The following CPQ variants were observed in gnomAD, a reference collection of about 807,000 sequenced individuals.
The protein encoded by CPQ is carboxypeptidase Q.
Under a neutral mutation model 45.7 loss-of-function variants are expected in CPQ, and 37 were observed. The ratio of observed to expected loss-of-function variants is 0.81; its 90% CI spans 0.62 to 1.07. The LOEUF (loss-of-function observed/expected upper bound fraction) is 1.07, where lower values mean the gene tolerates loss of function less well. Among genes scored for constraint, CPQ ranks in the 50% least tolerant of loss-of-function variants. The probability of loss-of-function intolerance (pLI) is 0.00; values close to 1 mark genes in which losing one functional copy is unlikely to be tolerated. For synonymous variants in CPQ, 186 were observed against 205.8 expected (o/e 0.90, Z 0.82); for missense variants, 537 against 572.9 (o/e 0.94, Z 0.64).
At chr8:97,142,383 A>C (rs963393023) in intron 7 of CPQ, among the ~76,000 whole-genome samples, 2 of 152,214 alleles carry the variant, frequency 1.3e-5, no homozygotes, top group African/African-American at 4.8e-5. Context: ...GCTTTGAAGC[A>C]GGGCAGAGAC....
At chr8:96,813,907 T>C (rs1045424857) in intron 2 of CPQ, among the ~76,000 whole-genome samples, 4 of 152,256 alleles carry the variant, frequency 2.6e-5, no homozygotes, top group African/African-American at 9.6e-5. Context: ...AGCACTATAA[T>C]AGGCCTCATT....
chr8:96,813,211 C>T (rs2130830683), intron 2 of CPQ, among the ~76,000 whole-genome samples: 1 of 152,214 alleles, frequency 6.6e-6, no homozygotes, highest in Non-Finnish European at 1.5e-5. Flanking sequence ...CTCAACCATT[C>T]TTCTATGTAA....
intron 7 of CPQ, among the ~76,000 whole-genome samples, chr8:97,100,334 A>T (rs1489190402): frequency 6.6e-6 from 1 of 152,206 alleles, no homozygotes; most frequent in African/African-American, 2.4e-5. Flanking sequence ...AAGACAGTGG[A>T]GTTGAGCAGA....
chr8:96,979,153 G>A (rs1188652225), intron 5 of CPQ, among the ~76,000 whole-genome samples: 3 of 151,834 alleles, frequency 2.0e-5, no homozygotes, highest in Admixed American at 6.6e-5. Flanking sequence ...GAGGGGGTGG[G>A]AAACGAGTAA....
chr8:96,701,338 A>G (rs1189978418), intron 1 of CPQ, among the ~76,000 whole-genome samples: 2 of 152,126 alleles, frequency 1.3e-5, no homozygotes, highest in Non-Finnish European at 2.9e-5. Flanking sequence ...AGACATATAG[A>G]CCTCTGAAAT....
At chr8:97,077,485 T>C (rs568294029) in intron 7 of CPQ, among the ~76,000 whole-genome samples, 36 of 152,338 alleles carry the variant, frequency 2.4e-4, no homozygotes, top group South Asian at 8.3e-4. Context: ...GCAGTTATGA[T>C]TTAATACTAC....
intron 5 of CPQ, among the ~76,000 whole-genome samples, chr8:96,970,240 GAATCTGGGACTAGCCCAGACCTACA>G (rs1410941129): frequency 1.3e-5 from 2 of 152,190 alleles, no homozygotes; most frequent in Non-Finnish European, 2.9e-5. Flanking sequence ...GTCCTGAAAC[GAATCTGGGACTAGCCCAGACCTACA>G]AAAGATATCT....
At position 96,991,553 on chromosome 8, in the gene CPQ, CATAATAATAATAATAATAATAATA is replaced by C. The variant is rs36215104; in HGVS notation, c.961+25534_961+25557del. Among the ~76,000 whole-genome samples, 17 of 139,984 alleles carry C rather than the reference CATAATAATAATAATAATAATAATA, an allele frequency of 1.2e-4. No homozygotes were observed. In the East Asian group the frequency reaches 1.3e-3, roughly 10 times the overall value. 91.8% of individuals were successfully genotyped at this position (139,984 alleles called of 152,430 possible). A position where few individuals can be genotyped will look rare whatever the true frequency, so the allele number is the denominator to read the frequency against. ...CCTGGGAGACAGAACAAGAGTCTGT[CATAATAATAATAATAATAATAATA>C]ATAATAATAATAATAATAATAATAA... On this transcript the variant is annotated intron_variant, in intron 5 of 7. Coordinates refer to ENST00000220763, the MANE Select transcript of CPQ (RefSeq NM_016134.4).
intron 5 of CPQ, among the ~76,000 whole-genome samples, chr8:97,026,885 G>A (rs1250565287): frequency 2.6e-5 from 4 of 152,170 alleles, no homozygotes; most frequent in South Asian, 2.1e-4. Flanking sequence ...AAATCTATAC[G>A]GATATTCAGA....
chr8:96,830,556 T>A (rs989330002), intron 2 of CPQ, among the ~76,000 whole-genome samples: 2 of 152,160 alleles, frequency 1.3e-5, no homozygotes, highest in Admixed American at 1.3e-4. Flanking sequence ...AATATTTTTG[T>A]GATATAATAG....
chr8:97,122,966 T>TAA, intron 7 of CPQ, among the ~76,000 whole-genome samples: 1 of 57,394 alleles, frequency 1.7e-5, no homozygotes, highest in African/African-American at 1.1e-4. Context: ...TAAAATAAAA[T>TAA]AAAATAAAAT....
intron 6 of CPQ, among the ~76,000 whole-genome samples, chr8:97,040,054 C>T (rs1294513198): frequency 1.3e-5 from 2 of 151,196 alleles, no homozygotes; most frequent in Non-Finnish European, 3.0e-5. Flanking sequence ...TGAGGAATCG[C>T]CACACTGACT....
chr8:96,844,215 C>T (rs1478419394), intron 3 of CPQ, among the ~76,000 whole-genome samples: 1 of 152,152 alleles, frequency 6.6e-6, no homozygotes, highest in East Asian at 1.9e-4. Flanking sequence ...AGCATATGAA[C>T]CAAAAGAATC....
At chr8:96,678,811 A>G (rs1185260235) in intron 1 of CPQ, among the ~76,000 whole-genome samples, 1 of 93,906 alleles carries the variant, frequency 1.1e-5, no homozygotes, top group Non-Finnish European at 2.1e-5. Flanking sequence ...TATGTTCTGG[A>G]TATTAGTTCC....
chr8:96,976,247 CAAAAAAAA>C (rs55864086), intron 5 of CPQ, among the ~76,000 whole-genome samples: 1 of 60,832 alleles, frequency 1.6e-5, no homozygotes, highest in Non-Finnish European at 2.9e-5. Flanking sequence ...CAATAGCTGA[CAAAAAAAA>C]AAAAAAAAAA....
At chr8:96,739,235 G>T (rs1434203585) in intron 1 of CPQ, among the ~76,000 whole-genome samples, 1 of 149,616 alleles carries the variant, frequency 6.7e-6, no homozygotes, top group African/African-American at 2.5e-5. Flanking sequence ...TTTTTCATGT[G>T]TTTTTTGGCT....
chr8:96,908,395 T>G (rs1338833586), intron 4 of CPQ, among the ~76,000 whole-genome samples: 3 of 152,108 alleles, frequency 2.0e-5, no homozygotes, highest in African/African-American at 7.2e-5. Context: ...GACTGGAGGT[T>G]GGCATGTGAC....
chr8:96,810,121 C>T (rs1811143113), intron 2 of CPQ, among the ~76,000 whole-genome samples: 1 of 152,134 alleles, frequency 6.6e-6, no homozygotes, highest in African/African-American at 2.4e-5. Flanking sequence ...GTTTGGAATT[C>T]ACCTTCTCCA....
chr8:97,104,976 A>G (rs1462253293), intron 7 of CPQ, among the ~76,000 whole-genome samples: 1 of 152,220 alleles, frequency 6.6e-6, no homozygotes, highest in East Asian at 1.9e-4. Context: ...ACAAACTACC[A>G]ATTTCATCAA....
Sources: allele counts gnomAD v4.1 joint callset (sites outside exome capture counted in the v4.1 genomes callset), GRCh38; gene constraint gnomAD v4.1.1; transcripts MANE v1.5; gene names NCBI Gene and HGNC (gene_info 2026-07-23, HGNC 2026-07-21).